Variants in PPP2R2C observed in about 807,000 individuals in gnomAD.
The protein encoded by PPP2R2C is protein phosphatase 2 regulatory subunit Bgamma.
PPP2R2C carries 10 observed loss-of-function variants against 45.3 expected under a neutral mutation model. The observed-to-expected ratio is 0.22, with a 90% CI of 0.14 to 0.37. The LOEUF (loss-of-function observed/expected upper bound fraction) is 0.37. Ranked by LOEUF, PPP2R2C falls within the 10% of genes least tolerant of loss-of-function variation. PPP2R2C has a pLI of 1.00. For missense variants in PPP2R2C, 308 were observed against 619.7 expected (o/e 0.50, Z 5.34); for synonymous variants, 257 against 245.4 (o/e 1.05, Z -0.44).
At chr4:6,408,340 T>C (rs1362356213) in intron 1 of PPP2R2C, among the ~76,000 whole-genome samples, 1 of 152,156 alleles carries the variant, frequency 6.6e-6, no homozygotes, top group Non-Finnish European at 1.5e-5. Flanking sequence ...CCCTGGCGCC[T>C]AACTACCCCC....
rs558812986 is a variant in PPP2R2C, at chr4:6,332,370, T to C, written c.960+1192A>G. Among the ~76,000 whole-genome samples, 36 of 152,114 alleles carry C rather than the reference T, an allele frequency of 2.4e-4. No individual in the cohort carries two copies. The highest frequency in any genetic ancestry group is 7.7e-4 in the African/African-American group (32 of 41,486). ...GGGTGTGCAGTGTGAGGAGGGGGCC[T>C]GAGGGAGGAGCTGGGGCAGTCGCAA... On this transcript the variant is annotated intron_variant, in intron 7 of 8. Coordinates refer to ENST00000382599, the MANE Select transcript of PPP2R2C (RefSeq NM_020416.4). This position sits in a 1 kb window ranked among gnomAD's most constrained non-coding sequence, Gnocchi z 4.9.
At chr4:6,490,059 TAATTCAC>T (rs1234964715) in intron 2 of PPP2R2C, among the ~76,000 whole-genome samples, 1 of 152,206 alleles carries the variant, frequency 6.6e-6, no homozygotes, top group Non-Finnish European at 1.5e-5. Context: ...TAGTGATCAA[TAATTCAC>T]AGCACTTGCC....
At chr4:6,549,113 T>C (rs1344824030) in intron 1 of PPP2R2C, among the ~76,000 whole-genome samples, 1 of 152,224 alleles carries the variant, frequency 6.6e-6, no homozygotes, top group African/African-American at 2.4e-5. Flanking sequence ...GCTAAGCCAC[T>C]GGTCTAAGCC....
chr4:6,476,680 C>T (rs1357197782), upstream of PPP2R2C, among the ~76,000 whole-genome samples: 1 of 152,132 alleles, frequency 6.6e-6, no homozygotes, highest in Non-Finnish European at 1.5e-5. Flanking sequence ...CAAAGATAAC[C>T]CCCATCTTGA....
intron 2 of PPP2R2C, among the ~76,000 whole-genome samples, chr4:6,379,536 G>A (rs1249645245): frequency 6.6e-6 from 1 of 152,242 alleles, no homozygotes. Context: ...AGTGGGACTA[G>A]AAGGAAGAAA....
intron 2 of PPP2R2C, among the ~76,000 whole-genome samples, chr4:6,502,207 C>T (rs867131757): frequency 2.0e-5 from 3 of 152,160 alleles, no homozygotes; most frequent in South Asian, 2.1e-4. Context: ...GTCCCACCTT[C>T]GGGAGCTATG....
intron 1 of PPP2R2C, among the ~76,000 whole-genome samples, chr4:6,435,013 C>T (rs1477810696): frequency 6.6e-6 from 1 of 152,198 alleles, no homozygotes; most frequent in African/African-American, 2.4e-5. Flanking sequence ...TTCTCAGCCA[C>T]TCACTGTATT....
intron 5 of PPP2R2C, among the ~76,000 whole-genome samples, chr4:6,357,317 CATGTCTTGAA>C (rs1424060959): frequency 6.6e-6 from 1 of 152,224 alleles, no homozygotes; most frequent in East Asian, 1.9e-4. Flanking sequence ...TTCAGCCCCC[CATGTCTTGAA>C]ATGGACCCCC....
intron 1 of PPP2R2C, among the ~76,000 whole-genome samples, chr4:6,459,692 G>A (rs138035919): frequency 6.6e-6 from 1 of 152,198 alleles, no homozygotes; most frequent in African/African-American, 2.4e-5. Flanking sequence ...GAGACTGAGA[G>A]ACAAGAATTG....
chr4:6,524,176 C>T (rs963094434), intron 2 of PPP2R2C, among the ~76,000 whole-genome samples: 2 of 152,136 alleles, frequency 1.3e-5, no homozygotes, highest in Non-Finnish European at 2.9e-5. Context: ...CCTGCCTCAG[C>T]CTCCCAAAGT....
At chr4:6,551,318 G>A (rs539811669) in intron 1 of PPP2R2C, among the ~76,000 whole-genome samples, 1 of 152,318 alleles carries the variant, frequency 6.6e-6, no homozygotes, top group African/African-American at 2.4e-5. Context: ...AGCCTGCAGT[G>A]GGTGCTCAGG....
At chr4:6,359,232 A>C (rs1713510075) in intron 5 of PPP2R2C, among the ~76,000 whole-genome samples, 1 of 152,220 alleles carries the variant, frequency 6.6e-6, no homozygotes, top group Non-Finnish European at 1.5e-5. Context: ...ATTCTGAGCA[A>C]ACTATTCCAA....
At chr4:6,537,269 CAAAG>C (rs1403109998) in intron 1 of PPP2R2C, among the ~76,000 whole-genome samples, 1 of 151,888 alleles carries the variant, frequency 6.6e-6, no homozygotes, top group Non-Finnish European at 1.5e-5. Flanking sequence ...GGTCTAAAAA[CAAAG>C]GACACACACA....
At chr4:6,548,773 T>C (rs1262843749) in intron 1 of PPP2R2C, among the ~76,000 whole-genome samples, 1 of 152,158 alleles carries the variant, frequency 6.6e-6, no homozygotes, top group African/African-American at 2.4e-5. Context: ...ACAGCCTTGG[T>C]TCAGTGGGAG....
intron 2 of PPP2R2C, among the ~76,000 whole-genome samples, chr4:6,482,591 G>A (rs1259932024): frequency 6.6e-6 from 1 of 152,184 alleles, no homozygotes; most frequent in African/African-American, 2.4e-5. Context: ...ATGTTGTCCT[G>A]TGTCCAGCAA....
intron 2 of PPP2R2C, among the ~76,000 whole-genome samples, chr4:6,526,543 G>A (rs11941149): frequency 0.12 from 18,392 of 152,268 alleles, 1,435 homozygotes; most frequent in African/African-American, 0.21. Flanking sequence ...TTAAATTGGT[G>A]AAAAGAAAAG....
chr4:6,329,291 C>T lies in PPP2R2C; in HGVS notation c.1023G>A (p.Lys341=). Residue 341 remains lysine (K), a synonymous_variant, in exon 8 of 9, where the codon AAG becomes AAA. Transcript: ENST00000382599. The surrounding 1 kb of genome is among the most constrained non-coding windows in gnomAD (Gnocchi z 5.8). ...SLYENDCIFD[K]FECAWNGSDS... ...CGCTCCCGTTCCAGGCACATTCAAA[C>T]TTGTCGAAAATGCAGTCGTTCTCGT... 1 of 1,614,206 alleles carries T rather than the reference C, an allele frequency of 6.2e-7. No homozygotes were observed. Among genetic ancestry groups the T allele is most frequent in the Non-Finnish European group, 8.5e-7 (1 of 1,180,024 alleles).
At chr4:6,392,775 C>T (rs1716744357) in intron 1 of PPP2R2C, among the ~76,000 whole-genome samples, 2 of 152,212 alleles carry the variant, frequency 1.3e-5, no homozygotes, top group South Asian at 4.1e-4. Context: ...ACCACCCCAT[C>T]CTTCTGTCTT....
rs371553212 is a variant in PPP2R2C at position 6,410,965 on chromosome 4, G to T, written c.71-29871C>A. On this transcript the variant is annotated intron_variant, in intron 1 of 8. Transcript: ENST00000382599. ...CTCACTGCAGCTTCAACCCTCCCAG[G>T]TTCAAGCAATCCTCCCACCTCAGCC... 4.8e-4 allele frequency among the ~76,000 whole-genome samples: 73 copies of T among 151,968 alleles called. 1 individual carries two copies. The Middle Eastern group carries it at 0.01, about 21-fold the overall frequency.
Sources: gnomAD v4.1 joint callset for allele counts (sites outside exome capture counted in the v4.1 genomes callset) on GRCh38, gnomAD v4.1.1 for gene constraint, Gnocchi (gnomAD v3.1) non-coding constraint, MANE v1.5 for transcripts, NCBI Gene and HGNC (gene_info 2026-07-23, HGNC 2026-07-21) for gene names.